Variants in CAMTA1 observed in about 807,000 individuals in gnomAD.
CAMTA1 encodes calmodulin binding transcription activator 1.
A neutral mutation model predicts 170.9 loss-of-function variants in CAMTA1; 27 were observed. That is an observed-to-expected ratio of 0.16 (90% CI 0.12 to 0.22). CAMTA1 has a LOEUF of 0.22. Among genes scored for constraint, CAMTA1 ranks in the 10% least tolerant of loss-of-function variants. CAMTA1 has a pLI of 1.00. For synonymous variants in CAMTA1, 833 were observed against 891.5 expected, an observed-to-expected ratio of 0.93 and a Z score of 1.17; for missense variants, 1,619 against 2,217.2, an observed-to-expected ratio of 0.73 and a Z score of 5.42.
At chr1:7,661,679 C>T in intron 7 of CAMTA1, 47 bp from the exon 8 acceptor site, 1 of 1,611,362 alleles carries the variant, frequency 6.2e-7, no homozygotes, top group South Asian at 1.1e-5. Flanking sequence ...CCCAGGTCCC[C>T]TCTGCACCCA....
At chr1:7,187,615 A>C (rs1653645994) in intron 4 of CAMTA1, among the ~76,000 whole-genome samples, 1 of 152,196 alleles carries the variant, frequency 6.6e-6, no homozygotes, top group South Asian at 2.1e-4. Flanking sequence ...TGAATATAAT[A>C]TTTTTAACAT....
intron 6 of CAMTA1, among the ~76,000 whole-genome samples, chr1:7,568,749 CCACATCACCATCATCATCACCAT>C (rs2095081528): frequency 6.6e-6 from 1 of 151,242 alleles, no homozygotes; most frequent in Non-Finnish European, 1.5e-5. Flanking sequence ...ATCCTCATCA[CCACATCACCATCATCATCACCAT>C]CACATCACCA....
In CAMTA1 at chr1:6,961,210, C is replaced by G. The variant is rs11581143; in HGVS notation, c.235-130094C>G. Among the ~76,000 whole-genome samples the G allele has an allele frequency of 7.8e-3, 1,181 of 152,280 alleles. 6 individuals carry two copies. Among genetic ancestry groups the G allele is most frequent in the Non-Finnish European group, 0.012 (824 of 68,020 alleles). ...GCAGTTAAGTTTCCTTTGTTGTAAG[C>G]CGTGGAAACCAACTCTAGCTAAATT... On this transcript the variant is annotated intron_variant, in intron 3 of 22. Transcript: ENST00000303635.
At chr1:6,985,444 A>G (rs1226517437) in intron 3 of CAMTA1, among the ~76,000 whole-genome samples, 1 of 152,264 alleles carries the variant, frequency 6.6e-6, no homozygotes, top group Admixed American at 6.5e-5. Flanking sequence ...CACTTTTACA[A>G]TGCAGAATCT....
At chr1:7,130,287 T>C (rs1645177131) in intron 4 of CAMTA1, among the ~76,000 whole-genome samples, 1 of 152,178 alleles carries the variant, frequency 6.6e-6, no homozygotes, top group Non-Finnish European at 1.5e-5. Flanking sequence ...TTCATACATA[T>C]TGTGTGTATC....
intron 5 of CAMTA1, among the ~76,000 whole-genome samples, chr1:7,460,669 A>G (rs563893067): frequency 1.5e-4 from 22 of 151,250 alleles, no homozygotes; most frequent in African/African-American, 5.3e-4. Context: ...GGATAGCATT[A>G]AACCCTCATC....
intron 4 of CAMTA1, among the ~76,000 whole-genome samples, chr1:7,208,242 C>T (rs1658119587): frequency 6.6e-6 from 1 of 152,262 alleles, no homozygotes; most frequent in Non-Finnish European, 1.5e-5. Flanking sequence ...GATCCAGGCT[C>T]ATGAAAGTTG....
At position 7,050,001 on chromosome 1, in the gene CAMTA1, CG is replaced by C. The variant is rs1187640954; in HGVS notation, c.235-41298del. ...AAGTGAAGGAGGGAATGGGGTCCAG[CG>C]GGGGAAGGGAATCCCAGGGACATCT... On this transcript the variant is annotated intron_variant, in intron 3 of 22. Transcript: ENST00000303635. This position sits in a 1 kb window ranked among gnomAD's most constrained non-coding sequence, Gnocchi z 4.8. 6.6e-6 allele frequency among the ~76,000 whole-genome samples: 1 copy of C among 152,094 alleles called. No homozygotes were observed. Among genetic ancestry groups the C allele is most frequent in the Non-Finnish European group, 1.5e-5 (1 of 68,006 alleles).
intron 3 of CAMTA1, among the ~76,000 whole-genome samples, chr1:6,980,846 T>C (rs1239702851): frequency 6.6e-6 from 1 of 152,226 alleles, no homozygotes; most frequent in East Asian, 1.9e-4. Flanking sequence ...TATAAATTAC[T>C]CAGTCTTGGG....
At chr1:7,190,110 A>G (rs1654230809) in intron 4 of CAMTA1, among the ~76,000 whole-genome samples, 1 of 152,186 alleles carries the variant, frequency 6.6e-6, no homozygotes. Flanking sequence ...AGGATGACAC[A>G]GTGGATTTTG....
chr1:7,120,291 G>C (rs532877608), intron 4 of CAMTA1, among the ~76,000 whole-genome samples: 168 of 152,348 alleles, frequency 1.1e-3, no homozygotes, highest in African/African-American at 4.0e-3. Flanking sequence ...CAAAGTGTCA[G>C]TTGAGGCTAC....
chr1:7,173,340 G>A lies in CAMTA1; in HGVS notation c.303-76151G>A, dbSNP rs528701513. Among the ~76,000 whole-genome samples, 2 of 152,266 alleles carry A rather than the reference G, an allele frequency of 1.3e-5. No homozygotes were observed. Among genetic ancestry groups the A allele is most frequent in the Non-Finnish European group, 2.9e-5 (2 of 68,024 alleles). On this transcript the variant is annotated intron_variant, in intron 4 of 22. Transcript: ENST00000303635. This position sits in a 1 kb window ranked among gnomAD's most constrained non-coding sequence, Gnocchi z 5.4. ...GGCCTGGCCGTGACTGAGGCTCCAC[G>A]AACGCTGGCTCCCTTCTTAAATTTT...
rs551118466 is a variant in CAMTA1 at position 7,456,189 on chromosome 1, G to A, written c.439-11641G>A. ...AGGGAGGGAGATGGAAGGGAGGGAG[G>A]AAAAATGGGAGGGAGGGAGGAAGAA... On this transcript the variant is annotated intron_variant, in intron 5 of 22. Transcript: ENST00000303635. The surrounding 1 kb of genome is among the most constrained non-coding windows in gnomAD (Gnocchi z 4.9). Among the ~76,000 whole-genome samples the A allele has an allele frequency of 3.4e-4, 49 of 144,024 alleles. No homozygotes were observed. The highest frequency in any genetic ancestry group is 5.6e-4 in the Non-Finnish European group (37 of 65,756). The allele number at this position is 144,024 out of a possible 152,430, so 94.5% of individuals were successfully genotyped here.
intron 16 of CAMTA1, among the ~76,000 whole-genome samples, chr1:7,742,851 CAG>C (rs2096828373): frequency 1.3e-5 from 2 of 152,214 alleles, no homozygotes; most frequent in South Asian, 4.1e-4. Flanking sequence ...TTTTTTGAGA[CAG>C]AGTCTTGCTA....
chr1:7,746,634 T>A (rs576372347), intron 18 of CAMTA1, among the ~76,000 whole-genome samples: 1 of 152,060 alleles, frequency 6.6e-6, no homozygotes, highest in African/African-American at 2.4e-5. Context: ...ACAATGCTGA[T>A]TTTTCTTTTT....
At chr1:7,694,079 T>C (rs1188301462) in intron 11 of CAMTA1, 1 of 152,192 alleles carries the variant, frequency 6.6e-6, no homozygotes, top group African/African-American at 2.4e-5. Flanking sequence ...AGACCTCTCT[T>C]TGGGCAACGT....
chr1:7,091,287 T>C lies in CAMTA1; in HGVS notation c.235-17T>C. The stretch of plus-strand genomic sequence containing the variant: ...TGAGCTAATTGTTGTTATTATCTTT[T>C]TATTCTTCTGTTTCAGGAAATTGCA... On this transcript the variant is annotated splice_polypyrimidine_tract_variant and intron_variant, in intron 3 of 22. Transcript: ENST00000303635. The C allele has an allele frequency of 6.3e-7, 1 of 1,581,082 alleles. No individual in the cohort carries two copies. The highest frequency in any genetic ancestry group is 8.7e-7 in the Non-Finnish European group (1 of 1,149,962).
chr1:7,532,264 C>A lies in CAMTA1; in HGVS notation c.510+64363C>A, dbSNP rs1407115063. On this transcript the variant is annotated intron_variant, in intron 6 of 22. Coordinates refer to ENST00000303635, the MANE Select transcript of CAMTA1 (RefSeq NM_015215.4). This position sits in a 1 kb window ranked among gnomAD's most constrained non-coding sequence, Gnocchi z 4.2. ...GTGCCCTCAAGTCAGGACTGCCACT[C>A]ACCCTCCGAGGTGGCCATCTTCTCA... Among the ~76,000 whole-genome samples the A allele has an allele frequency of 6.6e-6, 1 of 152,202 alleles. No individual in the cohort carries two copies. Among genetic ancestry groups the A allele is most frequent in the East Asian group, 1.9e-4 (1 of 5,182 alleles).
chr1:6,981,142 A>G (rs1694369904), intron 3 of CAMTA1, among the ~76,000 whole-genome samples: 1 of 152,148 alleles, frequency 6.6e-6, no homozygotes, highest in Admixed American at 6.5e-5. Flanking sequence ...AGTGGGACCA[A>G]TAAGGGCAAT....
Sources: gnomAD v4.1 joint callset for allele counts (sites outside exome capture counted in the v4.1 genomes callset) on GRCh38, gnomAD v4.1.1 for gene constraint, Gnocchi (gnomAD v3.1) non-coding constraint, MANE v1.5 for transcripts, NCBI Gene and HGNC (gene_info 2026-07-23, HGNC 2026-07-21) for gene names.